The following LAMA3 variants were observed in gnomAD, a reference collection of about 807,000 sequenced individuals.
LAMA3 encodes the protein laminin subunit alpha-3.
Under a neutral mutation model 402.0 loss-of-function variants are expected in LAMA3, and 281 were observed. The ratio of observed to expected loss-of-function variants is 0.70; its 90% CI spans 0.63 to 0.77. LAMA3 has a LOEUF of 0.77. Among genes scored for constraint, LAMA3 ranks in the 30% least tolerant of loss-of-function variants. The probability of loss-of-function intolerance (pLI) is 0.00; values close to 1 mark genes in which losing one functional copy is unlikely to be tolerated. For missense variants in LAMA3, 3,840 were observed against 4,215.5 expected (o/e 0.91, Z 2.47); for synonymous variants, 1,431 against 1,558.4 (o/e 0.92, Z 1.93).
At chr18:23,727,440 C>T (rs1009360361) in intron 2 of LAMA3, among the ~76,000 whole-genome samples, 23 of 152,100 alleles carry the variant, frequency 1.5e-4, no homozygotes, top group African/African-American at 4.6e-4. Flanking sequence ...ATTTTCCTGC[C>T]TCAGCCTCCC....
chr18:23,771,401 A>G (rs958778295), intron 8 of LAMA3, among the ~76,000 whole-genome samples: 26 of 152,350 alleles, frequency 1.7e-4, no homozygotes, highest in Middle Eastern at 3.4e-3. Context: ...TTGACTTTGA[A>G]GAGTTGATGA....
chr18:23,744,831 C>CA (rs755527455), intron 2 of LAMA3, among the ~76,000 whole-genome samples: 9,275 of 30,876 alleles, frequency 0.3, 2,195 homozygotes, highest in East Asian at 0.56. Flanking sequence ...GACTCTGTCT[C>CA]AAAAAAAAAA....
At position 23,899,415 on chromosome 18, in the gene LAMA3, C is replaced by T. The variant is rs776299835; in HGVS notation, c.5964C>T (p.His1988=). The T allele has an allele frequency of 1.9e-6, 3 of 1,614,078 alleles. No individual in the cohort carries two copies. The Middle Eastern group carries it at 4.9e-4, about 266-fold the overall frequency. ...TGCGGAACAGGAACTTTGGAAAGCA[C>T]CTCAGAGAAGCAGAAGCTGATAAAA... ...RELRNRNFGK[H]LREAEADKRE... Residue 1988 remains histidine, a synonymous_variant, in exon 47 of 75, where the codon CAC becomes CAT. Transcript: ENST00000313654.
intron 74 of LAMA3, among the ~76,000 whole-genome samples, 200 bp from the exon 75 acceptor site, chr18:23,954,303 G>A (rs1011080789): frequency 5.2e-4 from 78 of 150,754 alleles, no homozygotes; most frequent in Non-Finnish European, 5.0e-4. Context: ...TTGGCAGACT[G>A]AGGTGTGAGG....
chr18:23,735,700 A>G (rs2061463092), intron 2 of LAMA3, among the ~76,000 whole-genome samples: 1 of 152,040 alleles, frequency 6.6e-6, no homozygotes, highest in African/African-American at 2.4e-5. Context: ...TTACATGTGC[A>G]CCAATGTCTC....
At chr18:23,727,151 T>C in intron 2 of LAMA3, among the ~76,000 whole-genome samples, 1 of 152,228 alleles carries the variant, frequency 6.6e-6, no homozygotes, top group East Asian at 1.9e-4. Flanking sequence ...AGTCATGAAT[T>C]CTTTGCCTAG....
In LAMA3 at chr18:23,816,448, G is replaced by A. The variant is rs1568214795; in HGVS notation, c.2108G>A (p.Cys703Tyr). 1 of 1,614,038 alleles carries A rather than the reference G, an allele frequency of 6.2e-7. No individual in the cohort carries two copies. Among genetic ancestry groups the A allele is most frequent in the Non-Finnish European group, 8.5e-7 (1 of 1,179,970 alleles). Residue 703 changes from cysteine to tyrosine, a missense_variant, in exon 18 of 75, where the codon TGC (cysteine) becomes TAC (tyrosine). This residue lies in a region of LAMA3 where 2,109 missense variants were observed against 2,376.0 expected (regional missense o/e 0.89). Coordinates refer to ENST00000313654, the MANE Select transcript of LAMA3 (RefSeq NM_198129.4). ...SSMCSGPSGV[C>Y]QCREHVVGKV... ...ATGTGCAGTGGGCCCTCGGGAGTGT[G>A]CCAGTGCCGAGAGCATGTCGTGGGA...
chr18:23,905,532 A>G lies in LAMA3; in HGVS notation c.6626A>G (p.Lys2209Arg). 6.3e-7 allele frequency: 1 copy of G among 1,596,120 alleles called. No homozygotes were observed. Among genetic ancestry groups the G allele is most frequent in the Non-Finnish European group, 8.6e-7 (1 of 1,164,224 alleles). Residue 2209 changes from lysine (K) to arginine (R), a missense_variant, in exon 52 of 75, where the codon AAG (lysine) becomes AGG (arginine). By Grantham distance (26) the Lys-to-Arg change is conservative. This residue lies in a region of LAMA3 where 891 missense variants were observed against 857.5 expected (regional missense o/e 1.04). Coordinates refer to ENST00000313654, the MANE Select transcript of LAMA3 (RefSeq NM_198129.4). Reference sequence around the variant, plus strand: ...ATGCTTTGCTTTCAGACAGTGATAAAGGAAGATCTGCCAAGAAAAGCTAAA... The same window carrying G: ...ATGCTTTGCTTTCAGACAGTGATAAGGGAAGATCTGCCAAGAAAAGCTAAA... ...ASESALQTVI[K>R]EDLPRKAKTL...
intron 8 of LAMA3, among the ~76,000 whole-genome samples, chr18:23,765,408 C>T (rs571098884): frequency 6.6e-6 from 1 of 152,278 alleles, no homozygotes; most frequent in East Asian, 1.9e-4. Context: ...AAATAACTTA[C>T]TTGACATTTT....
chr18:23,744,101 C>T (rs905994022), intron 2 of LAMA3, among the ~76,000 whole-genome samples: 1 of 152,198 alleles, frequency 6.6e-6, no homozygotes, highest in African/African-American at 2.4e-5. Flanking sequence ...GTTGGCTTAA[C>T]ATGCCTGAAC....
intron 1 of LAMA3, among the ~76,000 whole-genome samples, chr18:23,695,796 C>CAAAAAAAAAAAAAAAAAA (rs58873998): frequency 5.2e-5 from 2 of 38,642 alleles, no homozygotes; most frequent in African/African-American, 1.1e-4. Context: ...GACTCCATCT[C>CAAAAAAAAAAAAAAAAAA]AAAAAAAAAA....
At position 23,743,731 on chromosome 18, in the gene LAMA3, C is replaced by T. The variant is rs148267863; in HGVS notation, c.448-4212C>T. On this transcript the variant is annotated intron_variant, in intron 2 of 74. Transcript: ENST00000313654. The stretch of plus-strand genomic sequence containing the variant: ...AGACTACTTTGTTTCTCTACCTAAA[C>T]AATCACCAACACACTTCAAGCTATC... 7.0e-3 allele frequency among the ~76,000 whole-genome samples: 1,067 copies of T among 152,314 alleles called. 13 individuals are homozygous for T. Among genetic ancestry groups the T allele is most frequent in the Non-Finnish European group, 8.9e-3 (607 of 68,026 alleles).
At chr18:23,889,610 A>G (rs1003781713) in intron 41 of LAMA3, among the ~76,000 whole-genome samples, 3 of 145,254 alleles carry the variant, frequency 2.1e-5, no homozygotes, top group Non-Finnish European at 3.0e-5. Context: ...AAGAAAGAAA[A>G]AGGAAAGGAA....
At chr18:23,916,768 G>A in intron 60 of LAMA3, 73 bp downstream of exon 60, 1 of 1,431,016 alleles carries the variant, frequency 7.0e-7, no homozygotes, top group Non-Finnish European at 9.8e-7. Context: ...TAACTGGGTT[G>A]TTATAAATGA....
chr18:23,875,924 GA>G (rs1161707395), intron 38 of LAMA3, among the ~76,000 whole-genome samples: 2 of 152,184 alleles, frequency 1.3e-5, no homozygotes, highest in Non-Finnish European at 2.9e-5. Flanking sequence ...ACCAGGGCAT[GA>G]AAACCAAACA....
chr18:23,937,738 G>C (rs1308104307), intron 67 of LAMA3, among the ~76,000 whole-genome samples: 3 of 152,218 alleles, frequency 2.0e-5, no homozygotes, highest in Non-Finnish European at 4.4e-5. Context: ...TTTAATCTCA[G>C]TAGGATCAAG....
chr18:23,906,947 A>T (rs2081268754), intron 52 of LAMA3, among the ~76,000 whole-genome samples: 1 of 152,234 alleles, frequency 6.6e-6, no homozygotes, highest in Non-Finnish European at 1.5e-5. Flanking sequence ...CAATATTATC[A>T]GCTAGGAATG....
chr18:23,919,775 A>G (rs2081765579), intron 60 of LAMA3, among the ~76,000 whole-genome samples: 1 of 151,840 alleles, frequency 6.6e-6, no homozygotes, highest in South Asian at 2.1e-4. Context: ...GCCACGCAGC[A>G]TCTGGTAGGG....
At chr18:23,770,393 C>T (rs756724310) in intron 8 of LAMA3, among the ~76,000 whole-genome samples, 3 of 151,418 alleles carry the variant, frequency 2.0e-5, no homozygotes, top group Non-Finnish European at 4.4e-5. Context: ...AAAAAAAAAC[C>T]TCAAAAAAAT....
Sources: allele counts gnomAD v4.1 joint callset (sites outside exome capture counted in the v4.1 genomes callset), GRCh38; gene constraint gnomAD v4.1.1; regional missense constraint gnomAD v4.1.1; transcripts MANE v1.5; gene names NCBI Gene and HGNC (gene_info 2026-07-23, HGNC 2026-07-21).